MACROD2: variants seen among roughly 807,000 people sequenced by gnomAD.
MACROD2 encodes mono-ADP ribosylhydrolase 2, also known as ADP-ribose glycohydrolase MACROD2.
Under a neutral mutation model 70.4 loss-of-function variants are expected in MACROD2, and 36 were observed. The ratio of observed to expected loss-of-function variants is 0.51; its 90% CI spans 0.39 to 0.68. MACROD2 has a LOEUF of 0.68. Ranked by LOEUF, MACROD2 falls within the 30% of genes least tolerant of loss-of-function variation. The pLI is 0.00. For missense variants in MACROD2, 496 were observed against 538.4 expected (o/e 0.92, Z 0.78); for synonymous variants, 172 against 178.8 (o/e 0.96, Z 0.30).
chr20:14,962,855 G>A (rs547523042), intron 5 of MACROD2, among the ~76,000 whole-genome samples: 5 of 151,024 alleles, frequency 3.3e-5, no homozygotes, highest in African/African-American at 9.7e-5. Context: ...CCACATTCCC[G>A]TAAAATTGCT....
At chr20:15,131,164 G>T (rs148482125) in intron 5 of MACROD2, among the ~76,000 whole-genome samples, 1 of 152,050 alleles carries the variant, frequency 6.6e-6, no homozygotes, top group African/African-American at 2.4e-5. Flanking sequence ...AGATTAACCT[G>T]CCCAAGTTTA....
chr20:16,003,824 C>G (rs1392626351), intron 15 of MACROD2, among the ~76,000 whole-genome samples: 3 of 152,178 alleles, frequency 2.0e-5, no homozygotes, highest in African/African-American at 7.2e-5. Flanking sequence ...GCAAGCACCA[C>G]CACGCCCGGC....
At chr20:16,024,212 A>C (rs374748802) in intron 15 of MACROD2, among the ~76,000 whole-genome samples, 6 of 152,330 alleles carry the variant, frequency 3.9e-5, no homozygotes, top group African/African-American at 1.4e-4. Flanking sequence ...TAGAAGCCTC[A>C]GTTAGGGACT....
At chr20:15,183,282 C>T (rs553249360) in intron 5 of MACROD2, among the ~76,000 whole-genome samples, 6 of 152,232 alleles carry the variant, frequency 3.9e-5, no homozygotes, top group Non-Finnish European at 7.4e-5. Context: ...CTCCTATAAT[C>T]CTAGAACTTT....
rs1021435001 is a variant in MACROD2 at position 15,766,437 on chromosome 20, T to A, written c.646-96308T>A. On this transcript the variant is annotated intron_variant, in intron 8 of 17. Transcript: ENST00000684519. The stretch of plus-strand genomic sequence containing the variant: ...ACATTTACCACTCACAATTGTCAAA[T>A]TTTTAAAACTCAAGTAAACTTTTTT... 2.0e-5 allele frequency among the ~76,000 whole-genome samples: 3 copies of A among 152,226 alleles called. No individual in the cohort carries two copies. In the South Asian group the frequency reaches 6.2e-4, roughly 32 times the overall value.
At chr20:15,903,301 C>T (rs1039915380) in intron 10 of MACROD2, among the ~76,000 whole-genome samples, 2 of 152,158 alleles carry the variant, frequency 1.3e-5, no homozygotes, top group African/African-American at 4.8e-5. Flanking sequence ...GAGATCGTGG[C>T]AGAGTGAGAC....
intron 4 of MACROD2, among the ~76,000 whole-genome samples, chr20:14,586,011 C>A (rs567268245): frequency 6.6e-6 from 1 of 152,182 alleles, no homozygotes; most frequent in South Asian, 2.1e-4. Context: ...TAAGGACAAC[C>A]AGTGCACTAA....
chr20:15,800,515 C>T (rs2147070852), intron 8 of MACROD2, among the ~76,000 whole-genome samples: 1 of 151,908 alleles, frequency 6.6e-6, no homozygotes, highest in East Asian at 2.0e-4. Context: ...TCAGTTTTCC[C>T]AACACCATAT....
intron 3 of MACROD2, among the ~76,000 whole-genome samples, chr20:14,481,176 G>A (rs1238419347): frequency 6.6e-6 from 1 of 152,046 alleles, no homozygotes; most frequent in Non-Finnish European, 1.5e-5. Context: ...TTTGATGAAA[G>A]CCAAACTTTA....
chr20:14,082,269 C>T (rs1349148228), intron 2 of MACROD2, among the ~76,000 whole-genome samples: 3 of 144,478 alleles, frequency 2.1e-5, no homozygotes. Flanking sequence ...ACCTCCACCT[C>T]CCAGGTTCCA....
intron 9 of MACROD2, among the ~76,000 whole-genome samples, chr20:15,864,992 C>T (rs1170648364): frequency 1.3e-5 from 2 of 152,080 alleles, no homozygotes; most frequent in African/African-American, 2.4e-5. Flanking sequence ...TTAATTTTAA[C>T]TTGTGTTTAA....
At chr20:15,227,836 T>TG (rs2076922880) in intron 5 of MACROD2, among the ~76,000 whole-genome samples, 1 of 124,618 alleles carries the variant, frequency 8.0e-6, no homozygotes, top group African/African-American at 3.2e-5. Flanking sequence ...TTTTTTTTTT[T>TG]TTTTTTTTTT....
chr20:15,845,139 AC>A (rs150612920), intron 8 of MACROD2, among the ~76,000 whole-genome samples: 2,688 of 152,130 alleles, frequency 0.018, 95 homozygotes, highest in African/African-American at 0.061. Flanking sequence ...TCAGAATGTG[AC>A]CCTGTTTGGA....
At chr20:14,908,793 A>G (rs1052851850) in intron 5 of MACROD2, among the ~76,000 whole-genome samples, 4 of 152,222 alleles carry the variant, frequency 2.6e-5, no homozygotes, top group Non-Finnish European at 5.9e-5. Flanking sequence ...ATGAAGGTCT[A>G]CGATAAGGTG....
chr20:14,311,766 C>G (rs540571852), intron 3 of MACROD2, among the ~76,000 whole-genome samples: 17 of 152,236 alleles, frequency 1.1e-4, no homozygotes, highest in East Asian at 3.9e-4. Flanking sequence ...GATCCACCCC[C>G]CATGGCCTCC....
chr20:14,080,020 C>T (rs1258898133), intron 2 of MACROD2, among the ~76,000 whole-genome samples: 1 of 152,130 alleles, frequency 6.6e-6, no homozygotes, highest in African/African-American at 2.4e-5. Context: ...AGGTCACTTC[C>T]TGGCAGGTCC....
chr20:14,303,008 T>C (rs1160482329), intron 3 of MACROD2, among the ~76,000 whole-genome samples: 1 of 152,172 alleles, frequency 6.6e-6, no homozygotes, highest in Non-Finnish European at 1.5e-5. Context: ...ACTGAAAGAT[T>C]GTTAAACATT....
intron 6 of MACROD2, among the ~76,000 whole-genome samples, chr20:15,310,829 A>C (rs1317424359): frequency 6.6e-6 from 1 of 152,176 alleles, no homozygotes; most frequent in East Asian, 1.9e-4. Flanking sequence ...AATTTCATCC[A>C]AACAGGAAGA....
At chr20:14,252,040 C>T (rs949528986) in intron 3 of MACROD2, among the ~76,000 whole-genome samples, 1 of 151,994 alleles carries the variant, frequency 6.6e-6, no homozygotes, top group African/African-American at 2.4e-5. Flanking sequence ...CACTGTCTAC[C>T]ACTTAATCTT....
Sources: allele counts gnomAD v4.1 joint callset (sites outside exome capture counted in the v4.1 genomes callset), GRCh38; gene constraint gnomAD v4.1.1; transcripts MANE v1.5; gene names NCBI Gene and HGNC (gene_info 2026-07-23, HGNC 2026-07-21).